The following DCUN1D1 variants were observed in gnomAD, a reference collection of about 807,000 sequenced individuals.
DCUN1D1 encodes defective in cullin neddylation 1 domain containing 1.
DCUN1D1 carries 3 observed loss-of-function variants against 39.0 expected under a neutral mutation model. The observed-to-expected ratio is 0.08, with a 90% confidence interval of 0.04 to 0.20. The LOEUF (loss-of-function observed/expected upper bound fraction) is 0.20. DCUN1D1 is among the 10% of genes least tolerant of loss of function. The pLI is 1.00. For synonymous variants in DCUN1D1, 82 were observed against 96.3 expected (o/e 0.85, Z 0.87); for missense variants, 158 against 302.4 (o/e 0.52, Z 3.54).
chr3:182,964,186 TAC>T (rs1445389057), intron 2 of DCUN1D1, 137 bp from the exon 3 acceptor site: 1 of 621,792 alleles, frequency 1.6e-6, no homozygotes, highest in Non-Finnish European at 2.7e-6. Context: ...TACTCTAACA[TAC>T]ACTTTCCCAT....
At chr3:182,953,775 A>G (rs1176931357) in intron 4 of DCUN1D1, among the ~76,000 whole-genome samples, 1 of 152,212 alleles carries the variant, frequency 6.6e-6, no homozygotes, top group Non-Finnish European at 1.5e-5. Context: ...AGAAAAAGAA[A>G]TAACTAAGTC....
chr3:182,956,647 T>C (rs1434740684), intron 4 of DCUN1D1, among the ~76,000 whole-genome samples: 1 of 152,228 alleles, frequency 6.6e-6, no homozygotes, highest in Non-Finnish European at 1.5e-5. Context: ...TTCCTAAATA[T>C]TAAACTAAAT....
intron 4 of DCUN1D1, among the ~76,000 whole-genome samples, chr3:182,948,412 C>T (rs1177724381): frequency 6.6e-6 from 1 of 151,974 alleles, no homozygotes; most frequent in African/African-American, 2.4e-5. Flanking sequence ...GCTACACTTA[C>T]CACACGACAG....
chr3:182,947,135 A>C (rs1726451682), intron 6 of DCUN1D1, 103 bp downstream of exon 6: 2 of 623,424 alleles, frequency 3.2e-6, no homozygotes, highest in East Asian at 5.9e-5. Flanking sequence ...AGCTCAGCGG[A>C]GGGAATTCCA....
chr3:182,980,403 CG>C, intron 1 of DCUN1D1, 83 bp downstream of exon 1: 1 of 977,546 alleles, frequency 1.0e-6, no homozygotes, highest in Non-Finnish European at 1.2e-6. Context: ...AGGGTCGCCG[CG>C]GGACGGAGGG....
chr3:182,980,542 C>T, upstream of DCUN1D1: 3 of 1,189,198 alleles, frequency 2.5e-6, no homozygotes, highest in Non-Finnish European at 3.2e-6. Context: ...AGCGAATGGA[C>T]GGCGGCGGCG....
In DCUN1D1 at chr3:182,942,331, A is replaced by T. The variant is rs917232739; in HGVS notation, c.*2763T>A. 2.6e-5 allele frequency: 4 copies of T among 151,902 alleles called. No individual in the cohort carries two copies. The highest frequency in any genetic ancestry group is 4.4e-5 in the Non-Finnish European group (3 of 67,946). 9.4% of individuals were successfully genotyped at this position (151,902 alleles called of 1,614,324 possible). A position where few individuals can be genotyped will look rare whatever the true frequency, so the allele number is the denominator to read the frequency against. ...GTTTTCAGGTATATTTTAAATCTAT[A>T]AAAAAAATACACTGAAATATGTGAA... On this transcript the variant is annotated 3_prime_UTR_variant, in exon 7 of 7. Coordinates refer to ENST00000292782, the MANE Select transcript of DCUN1D1 (RefSeq NM_020640.4).
At chr3:182,971,077 C>T (rs1727911986) in intron 1 of DCUN1D1, among the ~76,000 whole-genome samples, 1 of 151,866 alleles carries the variant, frequency 6.6e-6, no homozygotes, top group African/African-American at 2.4e-5. Flanking sequence ...AGAGTGCAGA[C>T]TTTCAAACCA....
In DCUN1D1 at chr3:182,938,822, T is replaced by C. The variant is rs11715953; in HGVS notation, c.*6272A>G. The C allele has an allele frequency of 0.044, 6,746 of 152,252 alleles. 207 individuals carry two copies. The highest frequency in any genetic ancestry group is 0.078 in the Middle Eastern group (23 of 294). The allele number at this position is 152,252 out of a possible 1,614,324, so 9.4% of individuals were successfully genotyped here. On this transcript the variant is annotated 3_prime_UTR_variant, in exon 7 of 7. Transcript: ENST00000292782. ...AAACTTAATATTAAGACAGTAACTA[T>C]CTGCACACAGTAATCTGTACAAAGT... is the stretch of plus-strand genomic sequence containing the variant.
intron 1 of DCUN1D1, among the ~76,000 whole-genome samples, chr3:182,975,057 A>G (rs1001325629): frequency 1.3e-5 from 2 of 152,178 alleles, no homozygotes; most frequent in African/African-American, 2.4e-5. Context: ...GAAATTTAAA[A>G]GGAGTTTTCT....
At chr3:182,956,290 G>A in intron 4 of DCUN1D1, 1 of 275,258 alleles carries the variant, frequency 3.6e-6, no homozygotes, top group Middle Eastern at 4.6e-4. Flanking sequence ...GAGGCACGTT[G>A]CCTTTCTGGG....
intron 1 of DCUN1D1, among the ~76,000 whole-genome samples, chr3:182,979,609 C>CT (rs1728420739): frequency 1.3e-5 from 2 of 148,742 alleles, no homozygotes; most frequent in Admixed American, 1.3e-4. Flanking sequence ...TTCCCCCCCC[C>CT]AAACAAAAAA....
At chr3:182,975,419 G>T (rs760497029) in intron 1 of DCUN1D1, among the ~76,000 whole-genome samples, 3 of 151,636 alleles carry the variant, frequency 2.0e-5, no homozygotes, top group South Asian at 4.2e-4. Context: ...CTTGTGATCC[G>T]CCCGCCTCAG....
upstream of DCUN1D1, among the ~76,000 whole-genome samples, chr3:182,982,687 G>A (rs1728595386): frequency 6.6e-6 from 1 of 152,054 alleles, no homozygotes; most frequent in Non-Finnish European, 1.5e-5. Flanking sequence ...CTGTCACCCA[G>A]GCTGGAGTAC....
At chr3:182,949,279 C>T (rs979167938) in intron 4 of DCUN1D1, among the ~76,000 whole-genome samples, 1 of 152,154 alleles carries the variant, frequency 6.6e-6, no homozygotes, top group Non-Finnish European at 1.5e-5. Context: ...AGGAGAATTT[C>T]TTGAACCTGG....
At chr3:182,958,392 G>T (rs963839492) in intron 4 of DCUN1D1, among the ~76,000 whole-genome samples, 12 of 151,434 alleles carry the variant, frequency 7.9e-5, no homozygotes, top group Non-Finnish European at 1.5e-4. Flanking sequence ...GCTTTAGTGT[G>T]GTATATTTTT....
chr3:182,955,408 C>T (rs7641401), intron 4 of DCUN1D1: 384,158 of 541,226 alleles, frequency 0.71, 139,799 homozygotes, highest in Non-Finnish European at 0.77. Context: ...TCTTCTTCTT[C>T]CCACATTTTG....
At chr3:182,950,555 T>C (rs558905762) in intron 4 of DCUN1D1, among the ~76,000 whole-genome samples, 73 of 152,272 alleles carry the variant, frequency 4.8e-4, no homozygotes, top group African/African-American at 1.6e-3. Flanking sequence ...TCTCACTCTG[T>C]AGCTCTCTTG....
At chr3:182,976,764 T>C (rs1181906848) in intron 1 of DCUN1D1, among the ~76,000 whole-genome samples, 3 of 152,184 alleles carry the variant, frequency 2.0e-5, no homozygotes, top group Non-Finnish European at 4.4e-5. Flanking sequence ...AGAGTGAGGA[T>C]TTTTGTCTCT....
Sources: gnomAD v4.1 joint callset for allele counts (sites outside exome capture counted in the v4.1 genomes callset) on GRCh38, gnomAD v4.1.1 for gene constraint, MANE v1.5 for transcripts, NCBI Gene and HGNC (gene_info 2026-07-23, HGNC 2026-07-21) for gene names.